The following PHACTR3 variants were observed in gnomAD, a reference collection of about 807,000 sequenced individuals.
PHACTR3 encodes phosphatase and actin regulator 3.
A neutral mutation model predicts 66.8 loss-of-function variants in PHACTR3; 16 were observed. The observed-to-expected ratio is 0.24, with a 90% confidence interval of 0.16 to 0.36. The LOEUF is 0.36. PHACTR3 is among the 10% of genes least tolerant of loss of function. PHACTR3 has a pLI of 1.00. For missense variants in PHACTR3, 647 were observed against 719.9 expected (o/e 0.90, Z 1.16); for synonymous variants, 323 against 292.1 (o/e 1.11, Z -1.08).
At chr20:59,677,187 A>G (rs987308591) in intron 1 of PHACTR3, among the ~76,000 whole-genome samples, 6 of 152,120 alleles carry the variant, frequency 3.9e-5, no homozygotes, top group Non-Finnish European at 2.9e-5. Flanking sequence ...GTGCGTTTTG[A>G]CTGCATGGTG....
upstream of PHACTR3, among the ~76,000 whole-genome samples, chr20:59,601,605 G>C (rs2033480376): frequency 6.6e-6 from 1 of 152,224 alleles, no homozygotes; most frequent in Non-Finnish European, 1.5e-5. Flanking sequence ...GCTCAAGCCA[G>C]TCATGGTCTG....
chr20:59,739,321 C>T (rs1056195783), intron 1 of PHACTR3, among the ~76,000 whole-genome samples: 6 of 152,126 alleles, frequency 3.9e-5, no homozygotes, highest in South Asian at 2.1e-4. Context: ...GGACACAGCA[C>T]CTAGCACAGT....
intron 1 of PHACTR3, among the ~76,000 whole-genome samples, chr20:59,693,612 T>C (rs997023911): frequency 1.3e-5 from 2 of 152,202 alleles, no homozygotes; most frequent in Non-Finnish European, 2.9e-5. Context: ...GGTGTATCAG[T>C]TACCTGTTTC....
At chr20:59,838,288 C>T (rs933581192) in intron 9 of PHACTR3, among the ~76,000 whole-genome samples, 1 of 152,150 alleles carries the variant, frequency 6.6e-6, no homozygotes, top group African/African-American at 2.4e-5. Flanking sequence ...ACATCATACT[C>T]ATAGGCTCTA....
rs1353311625 is a variant in PHACTR3 at position 59,604,589 on chromosome 20, TG to T, written c.-419del. The stretch of plus-strand genomic sequence containing the variant: ...AGATTCTTCCTTTTCCCTTTTTTCC[TG>T]GGGGGGTGGGGGGTGGGGTGGGGGG... On this transcript the variant is annotated 5_prime_UTR_variant, in exon 1 of 13. Transcript: ENST00000371015. 6.0e-5 allele frequency: 17 copies of T among 285,006 alleles called. No individual in the cohort carries two copies. Among genetic ancestry groups the T allele is most frequent in the South Asian group, 1.7e-4 (1 of 5,800 alleles). 17.7% of individuals were successfully genotyped at this position (285,006 alleles called of 1,614,324 possible). A position where few individuals can be genotyped will look rare whatever the true frequency, so the allele number is the denominator to read the frequency against.
At chr20:59,756,857 T>G (rs1189277746) in intron 4 of PHACTR3, among the ~76,000 whole-genome samples, 1 of 151,876 alleles carries the variant, frequency 6.6e-6, no homozygotes, top group East Asian at 1.9e-4. Context: ...AAGCCAAAAT[T>G]GACAAATGGG....
chr20:59,611,587 A>G (rs566832720), intron 1 of PHACTR3, among the ~76,000 whole-genome samples: 17 of 152,298 alleles, frequency 1.1e-4, no homozygotes, highest in African/African-American at 3.9e-4. Context: ...GAGGAGGAGG[A>G]GGAGGATGTG....
chr20:59,699,996 A>C (rs2146606873), intron 1 of PHACTR3, among the ~76,000 whole-genome samples: 1 of 152,336 alleles, frequency 6.6e-6, no homozygotes, highest in Non-Finnish European at 1.5e-5. Flanking sequence ...GGAAAAGTTA[A>C]GTTTGCATAC....
upstream of PHACTR3, among the ~76,000 whole-genome samples, chr20:59,602,623 C>A (rs371841053): frequency 9.2e-5 from 14 of 152,094 alleles, no homozygotes; most frequent in Non-Finnish European, 1.5e-4. Flanking sequence ...TCTCCTCCCC[C>A]CCACCTATAG....
At chr20:59,654,596 A>G (rs2146458767) in intron 1 of PHACTR3, among the ~76,000 whole-genome samples, 1 of 152,320 alleles carries the variant, frequency 6.6e-6, no homozygotes, top group Middle Eastern at 3.4e-3. Context: ...TAAAAAATTA[A>G]GCCTGAATGT....
rs6128656 is a variant in PHACTR3, at chr20:59,658,216, C to T, written c.118+53084C>T. On this transcript the variant is annotated intron_variant, in intron 1 of 12. Transcript: ENST00000371015. ...CTATTTGCCAACATACCTTCTCTTT[C>T]CTCTTTAACAGTGTACATATTTATA... 9.0e-3 allele frequency among the ~76,000 whole-genome samples: 1,363 copies of T among 151,908 alleles called. 27 individuals are homozygous for T. The highest frequency in any genetic ancestry group is 0.031 in the African/African-American group (1,282 of 41,432).
chr20:59,778,523 C>T (rs948007388), intron 7 of PHACTR3, among the ~76,000 whole-genome samples: 1 of 152,234 alleles, frequency 6.6e-6, no homozygotes, highest in Non-Finnish European at 1.5e-5. Flanking sequence ...CACTTGGCCC[C>T]TTCTTCTCAC....
chr20:59,630,286 G>C (rs1165370984), intron 1 of PHACTR3, among the ~76,000 whole-genome samples: 16 of 151,872 alleles, frequency 1.1e-4, no homozygotes, highest in Non-Finnish European at 1.5e-5. Context: ...AGGTTCAAGT[G>C]ATTCTCCTGC....
At chr20:59,687,615 C>T (rs531212473) in intron 1 of PHACTR3, among the ~76,000 whole-genome samples, 1 of 152,242 alleles carries the variant, frequency 6.6e-6, no homozygotes, top group South Asian at 2.1e-4. Context: ...GCTTTTCACA[C>T]CCTCTGTAAA....
At chr20:59,782,962 G>A (rs1197172717) in intron 7 of PHACTR3, among the ~76,000 whole-genome samples, 1 of 152,194 alleles carries the variant, frequency 6.6e-6, no homozygotes, top group Non-Finnish European at 1.5e-5. Flanking sequence ...CTTCTTTGCA[G>A]GCTCCGGGAT....
intron 7 of PHACTR3, among the ~76,000 whole-genome samples, chr20:59,794,914 A>G (rs2041208965): frequency 6.6e-6 from 1 of 151,462 alleles, no homozygotes; most frequent in Admixed American, 6.6e-5. Context: ...ATTTTCCTTC[A>G]TTTCTTAGTC....
Position 59,679,942 on chromosome 20 carries a change from CTG to C in PHACTR3, c.119-63163_119-63162del, listed in dbSNP as rs555472224. ...AGATTTGGGTGGGGACACAGCCAAA[CTG>C]TATCAGGCACACGCATCGCTTTAGG... On this transcript the variant is annotated intron_variant, in intron 1 of 12. Transcript: ENST00000371015. 9.9e-4 allele frequency among the ~76,000 whole-genome samples: 151 copies of C among 152,292 alleles called. 1 individual carries two copies. The highest frequency in any genetic ancestry group is 3.5e-3 in the African/African-American group (144 of 41,554).
At chr20:59,743,366 A>G in intron 2 of PHACTR3, 98 bp downstream of exon 2, 3 of 1,418,404 alleles carry the variant, frequency 2.1e-6, no homozygotes, top group Non-Finnish European at 2.9e-6. Context: ...CCTGGCCCCT[A>G]CACAGGAGGG....
At chr20:59,635,149 T>TTCTTTCTTTCTCTTTCTTTCTTTCTTTCC (rs1555881160) in intron 1 of PHACTR3, among the ~76,000 whole-genome samples, 13 of 60,412 alleles carry the variant, frequency 2.2e-4, no homozygotes, top group African/African-American at 7.9e-4. Flanking sequence ...CTTTCTTTCT[T>TTCTTTCTTTCTCTTTCTTTCTTTCTTTCC]TTTCTTTCTT....
Sources: allele counts gnomAD v4.1 joint callset (sites outside exome capture counted in the v4.1 genomes callset), GRCh38; gene constraint gnomAD v4.1.1; transcripts MANE v1.5; gene names NCBI Gene and HGNC (gene_info 2026-07-23, HGNC 2026-07-21).